FCHSD2: variants seen among roughly 807,000 people sequenced by gnomAD.
FCHSD2 encodes FCH and double SH3 domains 2.
A neutral mutation model predicts 108.1 loss-of-function variants in FCHSD2; 38 were observed. That is an observed-to-expected ratio of 0.35 (90% CI 0.27 to 0.46). FCHSD2 has a LOEUF of 0.46. Ranked by LOEUF, FCHSD2 falls within the 20% of genes least tolerant of loss-of-function variation. The pLI is 1.00. For synonymous variants in FCHSD2, 279 were observed against 314.7 expected (o/e 0.89, Z 1.20); for missense variants, 751 against 897.8 (o/e 0.84, Z 2.09).
intron 3 of FCHSD2, among the ~76,000 whole-genome samples, chr11:73,079,202 T>A (rs1302932658): frequency 7.3e-6 from 1 of 137,042 alleles, no homozygotes; most frequent in Non-Finnish European, 1.5e-5. Context: ...GAGAAATAAT[T>A]TTTTTTTTTT....
intron 14 of FCHSD2, among the ~76,000 whole-genome samples, chr11:72,844,653 G>A (rs1416176144): frequency 6.6e-6 from 1 of 152,060 alleles, no homozygotes; most frequent in East Asian, 1.9e-4. Flanking sequence ...CTGGCTTCTG[G>A]CTCTCTAGAA....
At chr11:73,095,427 T>C (rs1175199242) in intron 2 of FCHSD2, among the ~76,000 whole-genome samples, 1 of 152,180 alleles carries the variant, frequency 6.6e-6, no homozygotes. Flanking sequence ...AAATACATCT[T>C]AACTACTTCT....
intron 2 of FCHSD2, among the ~76,000 whole-genome samples, chr11:73,126,636 A>C (rs751529954): frequency 6.6e-6 from 1 of 152,216 alleles, no homozygotes; most frequent in African/African-American, 2.4e-5. Context: ...GTTATGCTTA[A>C]CAGACATGCA....
chr11:73,040,664 T>C (rs985230855), intron 3 of FCHSD2, among the ~76,000 whole-genome samples: 5 of 152,252 alleles, frequency 3.3e-5, no homozygotes, highest in South Asian at 4.1e-4. Flanking sequence ...ATTCAATATG[T>C]AATGATCAAA....
intron 3 of FCHSD2, among the ~76,000 whole-genome samples, chr11:73,070,887 T>C (rs549731850): frequency 1.7e-4 from 26 of 152,180 alleles, no homozygotes; most frequent in South Asian, 1.0e-3. Flanking sequence ...AGTGAAATAA[T>C]GTGGTCTGAA....
At chr11:73,090,215 ACTT>A (rs1165761556) in intron 2 of FCHSD2, among the ~76,000 whole-genome samples, 1 of 141,310 alleles carries the variant, frequency 7.1e-6, no homozygotes, top group Non-Finnish European at 1.5e-5. Context: ...TAATTACAAT[ACTT>A]CTTTTTTTTT....
At chr11:72,978,794 CG>C (rs1185692362) in intron 8 of FCHSD2, among the ~76,000 whole-genome samples, 1 of 150,880 alleles carries the variant, frequency 6.6e-6, no homozygotes, top group Non-Finnish European at 1.5e-5. Context: ...CCCAGCCATG[CG>C]GAACTGAGTC....
chr11:73,091,714 C>T (rs1038988488), intron 2 of FCHSD2, among the ~76,000 whole-genome samples: 10 of 152,150 alleles, frequency 6.6e-5, no homozygotes, highest in Admixed American at 4.6e-4. Flanking sequence ...AATTTCCTCC[C>T]GTTATTTGGC....
chr11:73,016,961 T>C (rs1028743079), intron 3 of FCHSD2, among the ~76,000 whole-genome samples: 3 of 152,298 alleles, frequency 2.0e-5, no homozygotes, highest in African/African-American at 4.8e-5. Flanking sequence ...TGTATTATGT[T>C]TGTTTTTTTG....
intron 8 of FCHSD2, among the ~76,000 whole-genome samples, chr11:72,958,583 G>A (rs1016774185): frequency 1.3e-5 from 2 of 152,006 alleles, no homozygotes; most frequent in Non-Finnish European, 2.9e-5. Flanking sequence ...AAACACCACG[G>A]AACAAAATCT....
intron 12 of FCHSD2, among the ~76,000 whole-genome samples, chr11:72,880,964 T>C (rs1283774210): frequency 6.6e-6 from 1 of 151,900 alleles, no homozygotes; most frequent in African/African-American, 2.4e-5. Context: ...TTCTGGACAT[T>C]GGTCAAGGGA....
At chr11:72,868,118 A>G in intron 12 of FCHSD2, 92 bp from the exon 13 acceptor site, 1 of 1,197,300 alleles carries the variant, frequency 8.4e-7, no homozygotes, top group Non-Finnish European at 1.2e-6. Flanking sequence ...TCAATGATCG[A>G]CTGGATAAAG....
At chr11:72,867,082 A>G (rs1215127845) in intron 13 of FCHSD2, among the ~76,000 whole-genome samples, 1 of 152,262 alleles carries the variant, frequency 6.6e-6, no homozygotes, top group Non-Finnish European at 1.5e-5. Context: ...ACAATAAACA[A>G]AAGAAAACAA....
intron 2 of FCHSD2, among the ~76,000 whole-genome samples, chr11:73,089,321 C>T (rs976811251): frequency 3.3e-5 from 5 of 152,158 alleles, no homozygotes; most frequent in Admixed American, 2.6e-4. Flanking sequence ...TCAGAACTCT[C>T]ATAGCGTTAG....
intron 2 of FCHSD2, among the ~76,000 whole-genome samples, chr11:73,127,647 G>A (rs191306923): frequency 6.6e-6 from 1 of 152,162 alleles, no homozygotes; most frequent in Non-Finnish European, 1.5e-5. Context: ...CAGATAAACA[G>A]CTTCAGACTT....
intron 2 of FCHSD2, among the ~76,000 whole-genome samples, chr11:73,130,470 G>A (rs1860971036): frequency 6.6e-6 from 1 of 152,178 alleles, no homozygotes; most frequent in Non-Finnish European, 1.5e-5. Context: ...ATCAAGTTCA[G>A]GAGAGTATCC....
intron 9 of FCHSD2, among the ~76,000 whole-genome samples, chr11:72,914,089 G>A (rs540427139): frequency 5.7e-4 from 87 of 152,094 alleles, no homozygotes; most frequent in African/African-American, 1.9e-3. Flanking sequence ...ATCTCAGCTC[G>A]CTGCAAACTG....
intron 5 of FCHSD2, among the ~76,000 whole-genome samples, chr11:72,996,616 C>G (rs1398583298): frequency 6.6e-6 from 1 of 151,824 alleles, no homozygotes; most frequent in Non-Finnish European, 1.5e-5. Context: ...TGTTTATCTT[C>G]CAAGCATTAT....
intron 8 of FCHSD2, among the ~76,000 whole-genome samples, chr11:72,966,567 C>T (rs1040714848): frequency 6.6e-6 from 1 of 152,172 alleles, no homozygotes; most frequent in Non-Finnish European, 1.5e-5. Context: ...TGCAAAGAGA[C>T]TGGTTTTTCA....
Sources: allele counts gnomAD v4.1 joint callset (sites outside exome capture counted in the v4.1 genomes callset), GRCh38; gene constraint gnomAD v4.1.1; transcripts MANE v1.5; gene names NCBI Gene and HGNC (gene_info 2026-07-23, HGNC 2026-07-21).